Variants in PABPC4L observed in about 807,000 individuals in gnomAD.
PABPC4L encodes polyadenylate-binding protein 4-like.
For synonymous variants in PABPC4L, 169 were observed against 164.1 expected (o/e 1.03, Z -0.23); for missense variants, 452 against 451.4 (o/e 1.00, Z -0.01).
the PABPC4L span, among the ~76,000 whole-genome samples, chr4:133,953,115 A>C: frequency 6.6e-6 from 1 of 152,240 alleles, no homozygotes; most frequent in South Asian, 2.1e-4. Context: ...AAAATTCATA[A>C]AGGGGATCAC....
In PABPC4L at chr4:134,199,850, T is replaced by A; in HGVS notation, c.*57A>T. 1 of 1,527,454 alleles carries A rather than the reference T, an allele frequency of 6.5e-7. No individual in the cohort carries two copies. Among genetic ancestry groups the A allele is most frequent in the South Asian group, 1.2e-5 (1 of 80,682 alleles). 94.6% of individuals were successfully genotyped at this position (1,527,454 alleles called of 1,614,324 possible). ...TTACTGAGGTCAATTCAGGCAGAGA[T>A]CACTATCATTCTCCCACCTGCTGCA... On this transcript the variant is annotated 3_prime_UTR_variant, in exon 2 of 2. Transcript: ENST00000421491.
At chr4:134,027,243 CTAAT>C in the PABPC4L span, among the ~76,000 whole-genome samples, 1 of 152,000 alleles carries the variant, frequency 6.6e-6, no homozygotes, top group Non-Finnish European at 1.5e-5. Context: ...TGTAAGAAGT[CTAAT>C]TAACCTGAGA....
downstream of PABPC4L, among the ~76,000 whole-genome samples, chr4:134,194,204 G>A (rs934189665): frequency 6.6e-6 from 1 of 151,882 alleles, no homozygotes; most frequent in Non-Finnish European, 1.5e-5. Flanking sequence ...GTAAAGTAGA[G>A]AGGGAAATGG....
At chr4:134,074,596 C>G in the PABPC4L span, among the ~76,000 whole-genome samples, 4 of 152,230 alleles carry the variant, frequency 2.6e-5, no homozygotes, top group South Asian at 4.1e-4. Context: ...CTCCTAGTAC[C>G]AATTTACTGT....
chr4:134,136,964 G>A, the PABPC4L span, among the ~76,000 whole-genome samples: 1 of 151,954 alleles, frequency 6.6e-6, no homozygotes, highest in Non-Finnish European at 1.5e-5. Context: ...AAAATTCTTA[G>A]TTGTGTTGAT....
At chr4:134,098,627 C>T in the PABPC4L span, among the ~76,000 whole-genome samples, 1 of 151,400 alleles carries the variant, frequency 6.6e-6, no homozygotes, top group African/African-American at 2.4e-5. Flanking sequence ...TTTAGATAAC[C>T]TAAAGTTAAT....
At chr4:133,985,862 T>C in the PABPC4L span, among the ~76,000 whole-genome samples, 1 of 152,084 alleles carries the variant, frequency 6.6e-6, no homozygotes, top group Admixed American at 6.6e-5. Context: ...ATATTACTTG[T>C]ACTATAAATT....
the PABPC4L span, among the ~76,000 whole-genome samples, chr4:134,154,219 C>T: frequency 1.3e-5 from 2 of 152,004 alleles, no homozygotes; most frequent in Non-Finnish European, 2.9e-5. Context: ...TTACCTATAT[C>T]CATATTTAGG....
At chr4:134,164,262 C>CAAAA in the PABPC4L span, among the ~76,000 whole-genome samples, 85 of 34,178 alleles carry the variant, frequency 2.5e-3, 4 homozygotes, top group Non-Finnish European at 3.2e-3. Flanking sequence ...GACTCCGTCT[C>CAAAA]AAAAAAAAAA....
the PABPC4L span, among the ~76,000 whole-genome samples, chr4:134,040,143 A>T: frequency 6.6e-6 from 1 of 151,966 alleles, no homozygotes; most frequent in African/African-American, 2.4e-5. Context: ...CATACTGTTC[A>T]AAGTAATTTA....
chr4:134,186,363 T>A, the PABPC4L span, among the ~76,000 whole-genome samples: 1 of 152,086 alleles, frequency 6.6e-6, no homozygotes, highest in Admixed American at 6.6e-5. Context: ...TGGAACAGAA[T>A]AGAGTCCCTG....
the PABPC4L span, among the ~76,000 whole-genome samples, chr4:134,048,035 T>G: frequency 2.0e-5 from 3 of 152,256 alleles, no homozygotes; most frequent in East Asian, 5.8e-4. Context: ...CCAAAAGTTT[T>G]ATTCGATTGA....
chr4:134,172,981 A>C, the PABPC4L span, among the ~76,000 whole-genome samples: 2 of 151,844 alleles, frequency 1.3e-5, no homozygotes, highest in East Asian at 3.9e-4. Context: ...ATTAATCATT[A>C]GATAGATGCA....
chr4:133,951,597 A>C, the PABPC4L span, among the ~76,000 whole-genome samples: 3 of 151,858 alleles, frequency 2.0e-5, no homozygotes, highest in East Asian at 1.9e-4. Context: ...GCCTCTTCTG[A>C]CCCCAGGTTT....
the PABPC4L span, among the ~76,000 whole-genome samples, chr4:133,996,822 T>C: frequency 6.6e-6 from 1 of 152,206 alleles, no homozygotes; most frequent in Non-Finnish European, 1.5e-5. Flanking sequence ...ACAGATTTAA[T>C]GACAAAGGCT....
chr4:134,150,087 C>CTT, the PABPC4L span, among the ~76,000 whole-genome samples: 1,038 of 142,226 alleles, frequency 7.3e-3, 12 homozygotes, highest in African/African-American at 0.023. Flanking sequence ...TTTATTATGT[C>CTT]TTTTTTTTTT....
At chr4:134,134,078 G>T in the PABPC4L span, among the ~76,000 whole-genome samples, 1 of 151,954 alleles carries the variant, frequency 6.6e-6, no homozygotes, top group East Asian at 1.9e-4. Flanking sequence ...CAATATAAAA[G>T]TATTGGAAAC....
At chr4:134,116,594 A>C in the PABPC4L span, among the ~76,000 whole-genome samples, 2 of 151,838 alleles carry the variant, frequency 1.3e-5, no homozygotes, top group Non-Finnish European at 2.9e-5. Context: ...ACTTATTTCT[A>C]TCTATGCTCC....
At chr4:134,119,425 T>A in the PABPC4L span, among the ~76,000 whole-genome samples, 1 of 151,812 alleles carries the variant, frequency 6.6e-6, no homozygotes, top group African/African-American at 2.4e-5. Flanking sequence ...TATTTCATTT[T>A]TTTCAAAATA....
Sources: gnomAD v4.1 joint callset for allele counts (sites outside exome capture counted in the v4.1 genomes callset) on GRCh38, gnomAD v4.1.1 for gene constraint, MANE v1.5 for transcripts, NCBI Gene and HGNC (gene_info 2026-07-23, HGNC 2026-07-21) for gene names.